The following OPCML variants were observed in gnomAD, a reference collection of about 807,000 sequenced individuals.
The protein encoded by OPCML is opioid-binding protein/cell adhesion molecule.
Under a neutral mutation model 37.8 loss-of-function variants are expected in OPCML, and 13 were observed. The observed-to-expected ratio is 0.34, with a 90% CI of 0.22 to 0.55. The LOEUF is 0.55. Among genes scored for constraint, OPCML ranks in the 20% least tolerant of loss-of-function variants. The pLI is 0.91. For missense variants in OPCML, 341 were observed against 435.6 expected, an observed-to-expected ratio of 0.78 and a Z score of 1.93; for synonymous variants, 176 against 168.8, an observed-to-expected ratio of 1.04 and a Z score of -0.33.
intron 2 of OPCML, among the ~76,000 whole-genome samples, chr11:132,892,630 G>A (rs1943695212): frequency 1.3e-5 from 2 of 152,142 alleles, no homozygotes; most frequent in Admixed American, 6.5e-5. Flanking sequence ...AGCTGGGCCT[G>A]GTGGTGGGTG....
At chr11:133,418,069 C>A in intron 1 of OPCML, 1 of 985,360 alleles carries the variant, frequency 1.0e-6, no homozygotes, top group Non-Finnish European at 1.2e-6. Flanking sequence ...GAACACAGTG[C>A]TACTTACAAA....
At chr11:133,305,672 C>T (rs1170144299) in intron 1 of OPCML, among the ~76,000 whole-genome samples, 4 of 152,116 alleles carry the variant, frequency 2.6e-5, no homozygotes, top group African/African-American at 9.7e-5. Flanking sequence ...TTATGTAGAC[C>T]AGCATCTGCT....
chr11:133,010,467 A>G (rs1224551361), intron 1 of OPCML, among the ~76,000 whole-genome samples: 1 of 152,240 alleles, frequency 6.6e-6, no homozygotes, highest in African/African-American at 2.4e-5. Context: ...TTATTAAAAT[A>G]TTCTTGTAAC....
At chr11:133,040,603 G>A (rs1947872032) in intron 1 of OPCML, among the ~76,000 whole-genome samples, 1 of 152,212 alleles carries the variant, frequency 6.6e-6, no homozygotes, top group South Asian at 2.1e-4. Context: ...AATTTGGAAA[G>A]AGGGGCAGGA....
intron 1 of OPCML, among the ~76,000 whole-genome samples, chr11:133,313,630 T>C (rs1469722004): frequency 6.6e-6 from 1 of 152,086 alleles, no homozygotes; most frequent in Admixed American, 6.6e-5. Flanking sequence ...CAAGAGATAC[T>C]ATAATATTGG....
intron 1 of OPCML, chr11:133,419,128 G>T: frequency 2.0e-6 from 1 of 494,996 alleles, no homozygotes; most frequent in Non-Finnish European, 2.6e-6. Context: ...CTGCCATGTG[G>T]CTAGACTTAT....
intron 2 of OPCML, among the ~76,000 whole-genome samples, chr11:132,895,124 G>C (rs1322556558): frequency 6.6e-6 from 1 of 152,200 alleles, no homozygotes; most frequent in Non-Finnish European, 1.5e-5. Context: ...AAATGCCAAA[G>C]ACTCTACTTC....
chr11:133,482,961 A>G (rs1947411147), intron 1 of OPCML, among the ~76,000 whole-genome samples: 1 of 152,196 alleles, frequency 6.6e-6, no homozygotes. Flanking sequence ...AGAACATGAT[A>G]GAATTAACAG....
chr11:132,783,338 G>T, intron 2 of OPCML, among the ~76,000 whole-genome samples: 1 of 151,906 alleles, frequency 6.6e-6, no homozygotes, highest in East Asian at 1.9e-4. Context: ...CAATACATGA[G>T]ACCTTTTGCT....
intron 1 of OPCML, among the ~76,000 whole-genome samples, chr11:133,234,095 G>GT (rs1399970153): frequency 1.3e-5 from 2 of 152,202 alleles, no homozygotes; most frequent in African/African-American, 4.8e-5. Context: ...GACAATGGGA[G>GT]TATTGTTATA....
At chr11:133,371,792 A>G (rs895792340) in intron 1 of OPCML, among the ~76,000 whole-genome samples, 31 of 152,348 alleles carry the variant, frequency 2.0e-4, no homozygotes, top group African/African-American at 6.3e-4. Flanking sequence ...TACTAATACA[A>G]TGCTAATTAC....
At chr11:133,511,538 C>T (rs1422611803) in intron 1 of OPCML, among the ~76,000 whole-genome samples, 2 of 152,104 alleles carry the variant, frequency 1.3e-5, no homozygotes, top group African/African-American at 4.8e-5. Context: ...GCCCTGAGGT[C>T]TTGCACCAGC....
chr11:133,413,484 A>AT (rs1351559597), intron 1 of OPCML, among the ~76,000 whole-genome samples: 5 of 149,828 alleles, frequency 3.3e-5, no homozygotes, highest in Non-Finnish European at 6.0e-5. Flanking sequence ...ATAATAATAA[A>AT]AAATAAATAA....
chr11:133,008,243 T>A, intron 1 of OPCML: 2 of 985,366 alleles, frequency 2.0e-6, no homozygotes, highest in Non-Finnish European at 2.4e-6. Context: ...ACTTGTGACT[T>A]AGTAGAGCAA....
chr11:133,121,659 G>A (rs1004862588), intron 1 of OPCML, among the ~76,000 whole-genome samples: 1 of 152,144 alleles, frequency 6.6e-6, no homozygotes, highest in Admixed American at 6.5e-5. Flanking sequence ...GAAACAGTTT[G>A]TATCTAATTA....
rs189600785 is a variant in OPCML, at chr11:132,416,945, C to T, written c.*3248G>A. On this transcript the variant is annotated 3_prime_UTR_variant, in exon 8 of 8. Transcript: ENST00000524381. ...AACACGAGCACTTTCATTGGCATTACTTTGGTGGAAGTGCATATGAACTCT... is the reference window on the plus strand; with the variant it reads ...AACACGAGCACTTTCATTGGCATTATTTTGGTGGAAGTGCATATGAACTCT... The T allele has an allele frequency of 1.3e-4, 20 of 152,700 alleles. No homozygotes were observed. Among genetic ancestry groups the T allele is most frequent in the African/African-American group, 3.9e-4 (16 of 41,558 alleles). 9.5% of individuals were successfully genotyped at this position (152,700 alleles called of 1,614,324 possible).
At chr11:133,287,323 G>C (rs1942329757) in intron 1 of OPCML, among the ~76,000 whole-genome samples, 1 of 131,868 alleles carries the variant, frequency 7.6e-6, no homozygotes, top group Non-Finnish European at 1.5e-5. Flanking sequence ...TGTTGCCCAG[G>C]CTAGTCTCAA....
chr11:133,360,702 T>A (rs1944393724), intron 1 of OPCML: 1 of 152,250 alleles, frequency 6.6e-6, no homozygotes. Flanking sequence ...CTGTGTGTCT[T>A]CTTTCTCGTT....
At chr11:133,362,832 T>A (rs943147906) in intron 1 of OPCML, among the ~76,000 whole-genome samples, 1 of 152,052 alleles carries the variant, frequency 6.6e-6, no homozygotes. Flanking sequence ...ACTACCTACC[T>A]TCTGCCCCGC....
Sources: allele counts gnomAD v4.1 joint callset (sites outside exome capture counted in the v4.1 genomes callset), GRCh38; gene constraint gnomAD v4.1.1; transcripts MANE v1.5; gene names NCBI Gene and HGNC (gene_info 2026-07-23, HGNC 2026-07-21).